SENP6: variants seen among roughly 807,000 people sequenced by gnomAD.
The protein encoded by SENP6 is sentrin-specific protease 6.
Under a neutral mutation model 134.5 loss-of-function variants are expected in SENP6, and 41 were observed. The observed-to-expected ratio is 0.30, with a 90% CI of 0.24 to 0.40. SENP6 has a LOEUF of 0.40. Ranked by LOEUF, SENP6 falls within the 10% of genes least tolerant of loss-of-function variation. SENP6 has a pLI of 1.00. For missense variants in SENP6, 1,248 were observed against 1,312.5 expected, an observed-to-expected ratio of 0.95 and a Z score of 0.76; for synonymous variants, 395 against 429.8, an observed-to-expected ratio of 0.92 and a Z score of 1.00.
At chr6:75,631,193 T>C (rs1194040089) in intron 3 of SENP6, among the ~76,000 whole-genome samples, 2 of 152,180 alleles carry the variant, frequency 1.3e-5, no homozygotes, top group Admixed American at 6.5e-5. Context: ...AACTTAATGG[T>C]TTCTATTAGG....
intron 5 of SENP6, among the ~76,000 whole-genome samples, chr6:75,635,617 C>T (rs1268815476): frequency 1.3e-5 from 2 of 152,030 alleles, no homozygotes; most frequent in Admixed American, 1.3e-4. Flanking sequence ...GATAAACCAA[C>T]CTTTTGTTTT....
chr6:75,628,110 G>A (rs1400120928), intron 3 of SENP6, among the ~76,000 whole-genome samples: 1 of 152,144 alleles, frequency 6.6e-6, no homozygotes, highest in Non-Finnish European at 1.5e-5. Flanking sequence ...ATTCTGATAT[G>A]ATAGTATCAT....
intron 2 of SENP6, among the ~76,000 whole-genome samples, chr6:75,623,337 G>A (rs148044769): frequency 1.3e-5 from 2 of 152,226 alleles, no homozygotes; most frequent in African/African-American, 4.8e-5. Context: ...ACATGAACCT[G>A]TTAATAGATA....
chr6:75,667,691 T>C (rs1287771873), intron 10 of SENP6, among the ~76,000 whole-genome samples: 1 of 152,210 alleles, frequency 6.6e-6, no homozygotes, highest in Non-Finnish European at 1.5e-5. Context: ...AAAAAATTTT[T>C]AATGTGTACT....
At chr6:75,713,427 G>T in intron 21 of SENP6, 86 bp from the exon 22 acceptor site, 2 of 1,138,362 alleles carry the variant, frequency 1.8e-6, no homozygotes, top group South Asian at 2.8e-5. Context: ...TTTTAAATTT[G>T]ATTGTTTATA....
chr6:75,638,616 ATATATATTTTTT>A lies in SENP6; in HGVS notation c.459-2066_459-2055del, dbSNP rs1232809444. Among the ~76,000 whole-genome samples, 14 of 35,770 alleles carry A rather than the reference ATATATATTTTTT, an allele frequency of 3.9e-4. No individual in the cohort carries two copies. The East Asian group carries it at 9.2e-3, about 23-fold the overall frequency. The allele number at this position is 35,770 out of a possible 152,430, so 23.5% of individuals were successfully genotyped here. A position where few individuals can be genotyped will look rare whatever the true frequency, so the allele number is the denominator to read the frequency against. ...TATATATATATATATATATATATAT[ATATATATTTTTT>A]TTTTTTTTTTTTTTTTTTTTTTAAC... On this transcript the variant is annotated intron_variant, in intron 5 of 23. Coordinates refer to ENST00000447266, the MANE Select transcript of SENP6 (RefSeq NM_015571.4).
At chr6:75,674,172 A>G (rs1215774086) in intron 11 of SENP6, among the ~76,000 whole-genome samples, 2 of 147,288 alleles carry the variant, frequency 1.4e-5, no homozygotes, top group South Asian at 4.4e-4. Flanking sequence ...TTTTTTTTTA[A>G]AAACGATAAG....
intron 2 of SENP6, among the ~76,000 whole-genome samples, chr6:75,623,084 T>C (rs960233009): frequency 2.6e-5 from 4 of 152,214 alleles, no homozygotes; most frequent in African/African-American, 9.6e-5. Context: ...AGTTTGGATG[T>C]ATATAAACAG....
intron 6 of SENP6, among the ~76,000 whole-genome samples, chr6:75,645,039 T>C (rs1445771877): frequency 6.6e-6 from 1 of 152,236 alleles, no homozygotes; most frequent in Non-Finnish European, 1.5e-5. Context: ...CAATTCAGGA[T>C]AGAGAAATAA....
At position 75,666,629 on chromosome 6, in the gene SENP6, T is replaced by G. The variant is rs973815910; in HGVS notation, c.995-83T>G. The G allele has an allele frequency of 1.6e-5, 11 of 697,028 alleles. No homozygotes were observed. In the East Asian group the frequency reaches 4.8e-4, roughly 30 times the overall value. 43.2% of individuals were successfully genotyped at this position (697,028 alleles called of 1,614,324 possible). On this transcript the variant is annotated intron_variant, in intron 9 of 23. Coordinates refer to ENST00000447266, the MANE Select transcript of SENP6 (RefSeq NM_015571.4). ...GATATTTTCCACTTTGGTAATTTAT[T>G]TGCATTTTTAATGGACAGAAATGAA...
chr6:75,686,476 G>A (rs146120116), intron 16 of SENP6, among the ~76,000 whole-genome samples: 2 of 152,308 alleles, frequency 1.3e-5, no homozygotes, highest in East Asian at 3.9e-4. Context: ...AATTGATGCA[G>A]TTTCTTCATA....
At chr6:75,643,239 T>TTA (rs1770164976) in intron 6 of SENP6, among the ~76,000 whole-genome samples, 1 of 152,128 alleles carries the variant, frequency 6.6e-6, no homozygotes, top group Non-Finnish European at 1.5e-5. Flanking sequence ...CTATCAGTAG[T>TTA]TATAATAACT....
In SENP6 at chr6:75,695,125, C is replaced by T. The variant is rs545958457; in HGVS notation, c.2076-679C>T. On this transcript the variant is annotated intron_variant, in intron 16 of 23. Transcript: ENST00000447266. ...TCCCAACCTCAGGTGATCTGCCCAC[C>T]TCAGCCTCCCAAAGTGCTGACATTA... Among the ~76,000 whole-genome samples, 165 of 152,270 alleles carry T rather than the reference C, an allele frequency of 1.1e-3. 3 individuals carry two copies. Among genetic ancestry groups the T allele is most frequent in the Admixed American group, 0.01 (157 of 15,286 alleles).
At chr6:75,638,604 ATATATATATATATATATATTTTTT>A (rs1271891887) in intron 5 of SENP6, among the ~76,000 whole-genome samples, 45 of 42,804 alleles carry the variant, frequency 1.1e-3, no homozygotes, top group African/African-American at 3.9e-3. Context: ...ATATATATAT[ATATATATATATATATATATTTTTT>A]TTTTTTTTTT....
At chr6:75,682,998 T>C (rs567601854) in intron 16 of SENP6, among the ~76,000 whole-genome samples, 1 of 152,224 alleles carries the variant, frequency 6.6e-6, no homozygotes, top group Non-Finnish European at 1.5e-5. Flanking sequence ...TCCACAATGG[T>C]TAAACTAATT....
At chr6:75,634,359 G>C (rs1373146795) in intron 4 of SENP6, among the ~76,000 whole-genome samples, 1 of 152,058 alleles carries the variant, frequency 6.6e-6, no homozygotes, top group East Asian at 1.9e-4. Context: ...TGATTCTCCT[G>C]CTTCATCCTC....
chr6:75,612,436 A>G (rs191263113), intron 1 of SENP6, among the ~76,000 whole-genome samples: 170 of 152,140 alleles, frequency 1.1e-3, no homozygotes, highest in African/African-American at 3.9e-3. Flanking sequence ...GGCTCAAGGG[A>G]TCCTCCTGCC....
intron 14 of SENP6, 44 bp from the exon 15 acceptor site, chr6:75,678,539 T>C (rs774001266): frequency 1.1e-6 from 1 of 949,368 alleles, no homozygotes; most frequent in Non-Finnish European, 1.7e-6. Flanking sequence ...TATTGAAACT[T>C]TTCCTAATTG....
chr6:75,695,048 G>T (rs575045229), intron 16 of SENP6, among the ~76,000 whole-genome samples: 1 of 151,894 alleles, frequency 6.6e-6, no homozygotes, highest in South Asian at 2.1e-4. Context: ...CTAAATTTTT[G>T]TATTTTTAGT....
Sources: allele counts gnomAD v4.1 joint callset (sites outside exome capture counted in the v4.1 genomes callset), GRCh38; gene constraint gnomAD v4.1.1; transcripts MANE v1.5; gene names NCBI Gene and HGNC (gene_info 2026-07-23, HGNC 2026-07-21).